Variants in ROBO2 observed in about 807,000 individuals in gnomAD.
The protein encoded by ROBO2 is roundabout guidance receptor 2.
Under a neutral mutation model 160.8 loss-of-function variants are expected in ROBO2, and 53 were observed. That is an observed-to-expected ratio of 0.33 (90% CI 0.26 to 0.41). ROBO2 has a LOEUF of 0.41. Ranked by LOEUF, ROBO2 falls within the 10% of genes least tolerant of loss-of-function variation. The probability of loss-of-function intolerance (pLI) is 1.00; values close to 1 mark genes in which losing one functional copy is unlikely to be tolerated. For synonymous variants in ROBO2, 664 were observed against 611.7 expected (o/e 1.09, Z -1.26); for missense variants, 1,577 against 1,722.4 (o/e 0.92, Z 1.49).
intron 2 of ROBO2, among the ~76,000 whole-genome samples, chr3:77,225,392 A>G (rs1488226505): frequency 1.3e-5 from 2 of 151,932 alleles, no homozygotes; most frequent in African/African-American, 4.8e-5. Flanking sequence ...TAGAATGATG[A>G]AAAAGCCCCT....
intron 2 of ROBO2, among the ~76,000 whole-genome samples, chr3:76,965,809 ATTTC>A (rs916519600): frequency 2.4e-4 from 34 of 140,626 alleles, no homozygotes; most frequent in Admixed American, 1.1e-3. Flanking sequence ...ATATATATAT[ATTTC>A]TTTAATATTA....
intron 2 of ROBO2, among the ~76,000 whole-genome samples, chr3:76,321,802 C>A (rs2072548823): frequency 6.6e-6 from 1 of 152,158 alleles, no homozygotes; most frequent in Non-Finnish European, 1.5e-5. Context: ...CTTGGCAGGA[C>A]ACGTCATATG....
intron 2 of ROBO2, among the ~76,000 whole-genome samples, chr3:76,698,919 C>A (rs909897820): frequency 3.3e-5 from 5 of 152,058 alleles, no homozygotes; most frequent in Admixed American, 2.6e-4. Flanking sequence ...TGTTTTGATG[C>A]CCAGTGCTTA....
intron 1 of ROBO2, among the ~76,000 whole-genome samples, chr3:75,913,772 T>C (rs1349191461): frequency 6.6e-6 from 1 of 152,220 alleles, no homozygotes; most frequent in Admixed American, 6.5e-5. Context: ...CTCATCCATA[T>C]AAGAAAGCAC....
At chr3:76,055,376 A>C (rs899917450) in intron 2 of ROBO2, among the ~76,000 whole-genome samples, 7 of 152,162 alleles carry the variant, frequency 4.6e-5, no homozygotes, top group African/African-American at 1.7e-4. Flanking sequence ...TTAGATGCAG[A>C]GATTATTTGT....
At chr3:76,770,951 G>A (rs1469695762) in intron 2 of ROBO2, among the ~76,000 whole-genome samples, 1 of 151,196 alleles carries the variant, frequency 6.6e-6, no homozygotes, top group African/African-American at 2.4e-5. Context: ...ACAATTTTGT[G>A]GAAGAATCTA....
intron 2 of ROBO2, among the ~76,000 whole-genome samples, chr3:76,802,268 A>G (rs1247755211): frequency 6.6e-6 from 1 of 152,230 alleles, no homozygotes; most frequent in Non-Finnish European, 1.5e-5. Flanking sequence ...AGTGCAATCA[A>G]GCGAAGCACA....
At chr3:76,238,714 C>T (rs1705110370) in intron 2 of ROBO2, among the ~76,000 whole-genome samples, 1 of 151,860 alleles carries the variant, frequency 6.6e-6, no homozygotes, top group South Asian at 2.1e-4. Context: ...AGGTCTCCCC[C>T]TAGACATGAG....
At chr3:76,540,484 A>G (rs2082754109) in intron 2 of ROBO2, among the ~76,000 whole-genome samples, 1 of 152,232 alleles carries the variant, frequency 6.6e-6, no homozygotes, top group African/African-American at 2.4e-5. Flanking sequence ...AACTGCTTCC[A>G]TTGCAGAAAT....
intron 2 of ROBO2, among the ~76,000 whole-genome samples, chr3:76,387,296 C>T (rs2076938047): frequency 6.6e-6 from 1 of 152,132 alleles, no homozygotes; most frequent in South Asian, 2.1e-4. Flanking sequence ...ACATTCAAAT[C>T]ATAACAGAAG....
At chr3:76,600,396 C>T (rs1025638805) in intron 2 of ROBO2, among the ~76,000 whole-genome samples, 11 of 152,212 alleles carry the variant, frequency 7.2e-5, no homozygotes, top group East Asian at 3.9e-4. Context: ...TGTGTTAGTT[C>T]GTTTTCATGC....
chr3:77,033,928 G>A (rs1437810476), intron 2 of ROBO2, among the ~76,000 whole-genome samples: 1 of 151,838 alleles, frequency 6.6e-6, no homozygotes, highest in African/African-American at 2.4e-5. Flanking sequence ...AAAACTGAAA[G>A]CAATCCAGTG....
intron 2 of ROBO2, among the ~76,000 whole-genome samples, chr3:76,181,248 A>G (rs1701487387): frequency 6.6e-6 from 1 of 152,156 alleles, no homozygotes; most frequent in African/African-American, 2.4e-5. Flanking sequence ...AAAGTCAAAA[A>G]AGAGAATTAT....
At chr3:77,192,878 T>A (rs1445268648) in intron 2 of ROBO2, among the ~76,000 whole-genome samples, 1 of 151,990 alleles carries the variant, frequency 6.6e-6, no homozygotes, top group Non-Finnish European at 1.5e-5. Flanking sequence ...GGTCTCAAAC[T>A]CCTGGCCTCA....
At chr3:76,349,500 A>C (rs2074741615) in intron 2 of ROBO2, among the ~76,000 whole-genome samples, 1 of 152,108 alleles carries the variant, frequency 6.6e-6, no homozygotes, top group Non-Finnish European at 1.5e-5. Context: ...CCACACAGTT[A>C]TTTGTTGACA....
At chr3:77,618,853 G>A (rs573232934) in intron 22 of ROBO2, among the ~76,000 whole-genome samples, 1 of 152,252 alleles carries the variant, frequency 6.6e-6, no homozygotes, top group South Asian at 2.1e-4. Context: ...GTTAAACGCT[G>A]TTATTTTTCA....
At chr3:77,644,764 C>T in exon 25 of ROBO2, 1 of 1,614,000 alleles carries the variant, frequency 6.2e-7, no homozygotes, top group Non-Finnish European at 8.5e-7. Flanking sequence ...CACAGCTCAT[C>T]AGGAACAGCT....
chr3:77,001,370 C>T (rs2061329265), intron 2 of ROBO2, among the ~76,000 whole-genome samples: 1 of 152,086 alleles, frequency 6.6e-6, no homozygotes, highest in South Asian at 2.1e-4. Flanking sequence ...TCAACATATG[C>T]TCTAAATTTA....
At chr3:77,107,766 T>C (rs145192495) in intron 2 of ROBO2, among the ~76,000 whole-genome samples, 72 of 152,300 alleles carry the variant, frequency 4.7e-4, no homozygotes, top group African/African-American at 1.4e-3. Flanking sequence ...AATGCAACTA[T>C]AAAGGCAAGC....
Sources: gnomAD v4.1 joint callset for allele counts (sites outside exome capture counted in the v4.1 genomes callset) on GRCh38, gnomAD v4.1.1 for gene constraint, MANE v1.5 for transcripts, NCBI Gene and HGNC (gene_info 2026-07-23, HGNC 2026-07-21) for gene names.